TVP23A: variants seen among roughly 807,000 people sequenced by gnomAD.
TVP23A encodes the protein trans-golgi network vesicle protein 23 homolog A.
TVP23A carries 21 observed loss-of-function variants against 31.7 expected under a neutral mutation model. That is an observed-to-expected ratio of 0.66 (90% CI 0.47 to 0.95). The LOEUF is 0.95. Ranked by LOEUF, TVP23A falls within the 40% of genes least tolerant of loss-of-function variation. The pLI is 0.00. For missense variants in TVP23A, 279 were observed against 255.6 expected (o/e 1.09, Z -0.62); for synonymous variants, 104 against 96.0 (o/e 1.08, Z -0.49).
intron 2 of TVP23A, among the ~76,000 whole-genome samples, chr16:10,806,692 G>C (rs2033961897): frequency 6.6e-6 from 1 of 152,078 alleles, no homozygotes; most frequent in South Asian, 2.1e-4. Flanking sequence ...AGTAGAGACA[G>C]GGTTTCACCA....
chr16:10,760,011 G>C (rs2697655), downstream of TVP23A, among the ~76,000 whole-genome samples: 21 of 152,298 alleles, frequency 1.4e-4, no homozygotes, highest in Non-Finnish European at 2.6e-4. Flanking sequence ...AGGGATCTGT[G>C]ATAACATTAA....
intron 2 of TVP23A, chr16:10,775,452 G>T: frequency 9.3e-7 from 1 of 1,071,018 alleles, no homozygotes; most frequent in African/African-American, 1.6e-5. Flanking sequence ...GTTCCCTAAA[G>T]GTAAAGGTTG....
chr16:10,783,505 A>G (rs915948065), intron 2 of TVP23A, among the ~76,000 whole-genome samples: 4 of 151,892 alleles, frequency 2.6e-5, no homozygotes, highest in Non-Finnish European at 5.9e-5. Flanking sequence ...GCAAAAATCC[A>G]TCTCTACTAA....
intron 2 of TVP23A, among the ~76,000 whole-genome samples, chr16:10,784,031 G>A (rs923443017): frequency 2.0e-5 from 3 of 151,984 alleles, no homozygotes; most frequent in African/African-American, 7.3e-5. Flanking sequence ...TTACACATTT[G>A]CCAAAACTCA....
At chr16:10,772,033 A>G (rs1204003133) in intron 5 of TVP23A, among the ~76,000 whole-genome samples, 1 of 114,080 alleles carries the variant, frequency 8.8e-6, no homozygotes, top group Non-Finnish European at 1.8e-5. Context: ...GTTAGCCAGG[A>G]TGGTCTCCAT....
intron 3 of TVP23A, 73 bp from the exon 4 acceptor site, chr16:10,774,201 AG>A (rs2142891908): frequency 8.5e-7 from 1 of 1,172,802 alleles, no homozygotes; most frequent in South Asian, 1.5e-5. Context: ...GATAAACAAA[AG>A]TTCCTTGATT....
intron 2 of TVP23A, among the ~76,000 whole-genome samples, chr16:10,815,420 A>G (rs910327889): frequency 6.6e-6 from 1 of 152,128 alleles, no homozygotes; most frequent in Admixed American, 6.6e-5. Flanking sequence ...AAAAACAAAA[A>G]CAAAAACAAA....
rs754936367 is a variant in TVP23A at position 10,761,386 on chromosome 16, G to A, written c.*389C>T. On this transcript the variant is annotated 3_prime_UTR_variant and NMD_transcript_variant, in exon 9 of 9. Transcript: ENST00000456096. ...TAGGAGGTGTCACTCCAGGATGTCCGGAAAGAAATCAACTTCTGCCGCAAG... is the reference window on the plus strand; with the variant it reads ...TAGGAGGTGTCACTCCAGGATGTCCAGAAAGAAATCAACTTCTGCCGCAAG... 50 of 1,613,948 alleles carry A rather than the reference G, an allele frequency of 3.1e-5. No homozygotes were observed. The East Asian group carries it at 7.6e-4, about 24-fold the overall frequency.
chr16:10,808,993 G>A (rs1240976012), intron 2 of TVP23A, among the ~76,000 whole-genome samples: 2 of 152,138 alleles, frequency 1.3e-5, no homozygotes, highest in Non-Finnish European at 2.9e-5. Context: ...TCCACAGGAA[G>A]ACAGTTTCCA....
Position 10,775,059 on chromosome 16 carries a change from C to G in TVP23A, c.127G>C (p.Val43Leu), listed in dbSNP as rs1308584228. Reference protein sequence around the residue: ...LATFFHLFFRVSAIVTYVSCD... With the variant: ...LATFFHLFFRLSAIVTYVSCD... ...CTCACGTAGGTGACGATGGCACTCA[C>G]TCGGAAAAACAGGTGGAAAAAGGTG... Residue 43 changes from valine (V) to leucine (L), a missense_variant, in exon 3 of 8, where the codon GTG becomes CTG. Transcript: ENST00000299866. 1 of 1,611,226 alleles carries G rather than the reference C, an allele frequency of 6.2e-7. No homozygotes were observed. The highest frequency in any genetic ancestry group is 8.5e-7 in the Non-Finnish European group (1 of 1,178,710).
intron 2 of TVP23A, among the ~76,000 whole-genome samples, chr16:10,799,857 A>T (rs543764019): frequency 6.6e-5 from 10 of 152,288 alleles, no homozygotes; most frequent in Non-Finnish European, 4.4e-5. Flanking sequence ...ACTGATGGAC[A>T]GAAAAGAGCA....
At chr16:10,795,442 G>A (rs866395038) in intron 2 of TVP23A, among the ~76,000 whole-genome samples, 1 of 151,820 alleles carries the variant, frequency 6.6e-6, no homozygotes, top group African/African-American at 2.4e-5. Flanking sequence ...GAAGAAATAG[G>A]GTTTCACCAT....
At chr16:10,804,764 A>T (rs1158695861) in intron 2 of TVP23A, among the ~76,000 whole-genome samples, 2 of 152,138 alleles carry the variant, frequency 1.3e-5, no homozygotes, top group Non-Finnish European at 2.9e-5. Flanking sequence ...ACAAACAAAA[A>T]AGCCAGCAAT....
At chr16:10,801,662 C>T (rs1408449640) in intron 2 of TVP23A, among the ~76,000 whole-genome samples, 1 of 152,090 alleles carries the variant, frequency 6.6e-6, no homozygotes, top group Non-Finnish European at 1.5e-5. Flanking sequence ...CACTATGTTT[C>T]CCAGACCGGT....
chr16:10,770,867 T>TAAAAAAAAA (rs2031552024), intron 6 of TVP23A, among the ~76,000 whole-genome samples: 1 of 27,196 alleles, frequency 3.7e-5, no homozygotes, highest in Non-Finnish European at 5.8e-5. Flanking sequence ...GACTCCCATC[T>TAAAAAAAAA]CAAAAAAAAA....
intron 2 of TVP23A, among the ~76,000 whole-genome samples, chr16:10,790,337 T>C (rs1596534098): frequency 1.5e-5 from 2 of 137,170 alleles, no homozygotes; most frequent in East Asian, 4.5e-4. Flanking sequence ...CAGGCTGGAG[T>C]GCAGTGGCGT....
At chr16:10,793,543 T>C (rs1197515077) in intron 2 of TVP23A, among the ~76,000 whole-genome samples, 1 of 152,112 alleles carries the variant, frequency 6.6e-6, no homozygotes, top group Admixed American at 6.6e-5. Flanking sequence ...ATTTCTAACT[T>C]GGCCCATTTC....
At chr16:10,763,345 A>G (rs1020783610), downstream of TVP23A, among the ~76,000 whole-genome samples, 3 of 151,814 alleles carry the variant, frequency 2.0e-5, no homozygotes, top group African/African-American at 7.3e-5. Context: ...GCCTCGAGGA[A>G]GTGGTAGGGG....
At chr16:10,803,385 T>A (rs1253882751) in intron 2 of TVP23A, among the ~76,000 whole-genome samples, 1 of 151,756 alleles carries the variant, frequency 6.6e-6, no homozygotes, top group African/African-American at 2.4e-5. Context: ...GTGGAGAACC[T>A]CCCATCTACC....
Sources: allele counts gnomAD v4.1 joint callset (sites outside exome capture counted in the v4.1 genomes callset), GRCh38; gene constraint gnomAD v4.1.1; transcripts MANE v1.5; gene names NCBI Gene and HGNC (gene_info 2026-07-23, HGNC 2026-07-21).